The following SLC5A2 variants were observed in gnomAD, a reference collection of about 807,000 sequenced individuals.
The protein encoded by SLC5A2 is solute carrier family 5 member 2.
Under a neutral mutation model 69.0 loss-of-function variants are expected in SLC5A2, and 67 were observed. The observed-to-expected ratio is 0.97, with a 90% CI of 0.80 to 1.19. The LOEUF (loss-of-function observed/expected upper bound fraction) is 1.19, where lower values mean the gene tolerates loss of function less well. Ranked by LOEUF, SLC5A2 falls within the 50% of genes most tolerant of loss-of-function variation. SLC5A2 has a pLI of 0.00. For synonymous variants in SLC5A2, 455 were observed against 395.8 expected (o/e 1.15, Z -1.78); for missense variants, 1,001 against 921.5 (o/e 1.09, Z -1.12).
rs753788994 is a variant in SLC5A2, at chr16:31,488,495, G to A, written c.1129+5G>A. ...TCGTGAAGCTCATGCCCAACGGTAA[G>A]GGCAGCCCCGGGCCACAGGCGCAAG... On this transcript the variant is annotated splice_donor_5th_base_variant and intron_variant, in intron 9 of 13. Coordinates refer to ENST00000330498, the MANE Select transcript of SLC5A2 (RefSeq NM_003041.4). 3 of 1,605,072 alleles carry A rather than the reference G, an allele frequency of 1.9e-6. No homozygotes were observed. Among genetic ancestry groups the A allele is most frequent in the Admixed American group, 3.4e-5 (2 of 58,374 alleles).
In SLC5A2 at chr16:31,484,818, G is replaced by A; in HGVS notation, c.199-1G>A. The stretch of plus-strand genomic sequence containing the variant: ...GCTCACTCCCTCCTCTGGCCACCCA[G>A]GTTGGGGCCTCTCTCTTCGCCAGCA... On this transcript the variant is annotated splice_acceptor_variant, in intron 2 of 13. Coordinates refer to ENST00000330498, the MANE Select transcript of SLC5A2 (RefSeq NM_003041.4). LOFTEE classifies it high-confidence loss of function. 1 of 1,613,164 alleles carries A rather than the reference G, an allele frequency of 6.2e-7. No homozygotes were observed. The highest frequency in any genetic ancestry group is 2.2e-5 in the East Asian group (1 of 44,886).
Position 31,485,790 on chromosome 16 carries a change from T to A in SLC5A2, c.365T>A (p.Val122Asp). 6.2e-7 allele frequency: 1 copy of A among 1,613,506 alleles called. No homozygotes were observed. ...LFAPVYLTAG[V>D]ITMPQYLRKR... ...GCACCCGTGTACCTGACAGCGGGGG[T>A]CATCACGATGCCACAGTACCTGCGC... The change falls in exon 4 of 14, where the codon GTC becomes GAC. Residue 122 changes from valine to aspartate, a missense_variant. Coordinates refer to ENST00000330498, the MANE Select transcript of SLC5A2 (RefSeq NM_003041.4).
rs1307657211 is a variant in SLC5A2 at position 31,488,507 on chromosome 16, G to A, written c.1129+17G>A. On this transcript the variant is annotated intron_variant, in intron 9 of 13. Coordinates refer to ENST00000330498, the MANE Select transcript of SLC5A2 (RefSeq NM_003041.4). Reference sequence around the variant, plus strand: ...TGCCCAACGGTAAGGGCAGCCCCGGGCCACAGGCGCAAGCTCGCTGCGGAG... The same window carrying A: ...TGCCCAACGGTAAGGGCAGCCCCGGACCACAGGCGCAAGCTCGCTGCGGAG... 1 of 1,603,642 alleles carries A rather than the reference G, an allele frequency of 6.2e-7. No homozygotes were observed. Among genetic ancestry groups the A allele is most frequent in the Non-Finnish European group, 8.5e-7 (1 of 1,176,482 alleles).
intron 3 of SLC5A2, chr16:31,485,309 A>C: frequency 2.3e-6 from 1 of 440,604 alleles, no homozygotes; most frequent in Non-Finnish European, 4.2e-6. Context: ...AGCAGAGACA[A>C]AGCTCTGGGA....
chr16:31,488,074 A>T lies in SLC5A2; in HGVS notation c.922A>T (p.Thr308Ser). The change falls in exon 8 of 14, where the codon ACC (threonine) becomes TCC (serine). Residue 308 changes from threonine to serine, a missense_variant. Physicochemically the swap from Thr to Ser is moderately conservative, Grantham distance 58. Coordinates refer to ENST00000330498, the MANE Select transcript of SLC5A2 (RefSeq NM_003041.4). ...GCGCTGCCTGGCCGGGAAGAGCCTG[A>T]CCCACATCAAGGCGGGCTGCATCCT... is the stretch of plus-strand genomic sequence containing the variant. ...VQRCLAGKSL[T>S]HIKAGCILCG... 1 of 1,613,936 alleles carries T rather than the reference A, an allele frequency of 6.2e-7. No individual in the cohort carries two copies. The highest frequency in any genetic ancestry group is 8.5e-7 in the Non-Finnish European group (1 of 1,179,950).
In SLC5A2 at chr16:31,490,529, T is replaced by A; in HGVS notation, c.2013T>A (p.Tyr671Ter). The A allele has an allele frequency of 6.2e-7, 1 of 1,610,598 alleles. No homozygotes were observed. The highest frequency in any genetic ancestry group is 1.1e-5 in the South Asian group (1 of 90,386). ...MAVAVFLWGF[Y>*]A ...TGGCCGTGTTCCTCTGGGGCTTCTA[T>A]GCCTAAGACCAACTGCGTTGGACAC... is the stretch of plus-strand genomic sequence containing the variant. The change falls in exon 14 of 14, where the codon TAT (tyrosine) becomes TAA (stop). Residue 671 changes from tyrosine to a stop codon, truncating the protein, a stop_gained. Transcript: ENST00000330498. LOFTEE classifies it high-confidence loss of function.
At chr16:31,485,587 G>T in intron 3 of SLC5A2, 142 bp from the exon 4 acceptor site, 1 of 978,726 alleles carries the variant, frequency 1.0e-6, no homozygotes, top group East Asian at 2.4e-5. Flanking sequence ...CAGGGCCCCG[G>T]GGCCATCACC....
chr16:31,489,077 G>C, intron 11 of SLC5A2, 29 bp downstream of exon 11: 1 of 1,603,100 alleles, frequency 6.2e-7, no homozygotes, highest in Non-Finnish European at 8.5e-7. Context: ...GTGACGGCAG[G>C]GCTGGGCTTG....
In SLC5A2 at chr16:31,489,226, C is replaced by G; in HGVS notation, c.1553C>G (p.Pro518Arg). Residue 518 changes from proline to arginine, a missense_variant, in exon 12 of 14, where the codon CCA becomes CGA. Pro to Arg is a moderately radical substitution (Grantham distance 103). Coordinates refer to ENST00000330498, the MANE Select transcript of SLC5A2 (RefSeq NM_003041.4). Reference sequence around the variant, plus strand: ...AGCTGTGTGCAGCCCTCGGCGTGCCCAGCTTTCCTCTGCGGCGTGCACTAC... The same window carrying G: ...AGCTGTGTGCAGCCCTCGGCGTGCCGAGCTTTCCTCTGCGGCGTGCACTAC... Reference protein sequence around the residue: ...SGSCVQPSACPAFLCGVHYLY... With the variant: ...SGSCVQPSACRAFLCGVHYLY... 6.2e-7 allele frequency: 1 copy of G among 1,610,512 alleles called. No homozygotes were observed. The highest frequency in any genetic ancestry group is 8.5e-7 in the Non-Finnish European group (1 of 1,180,018).
intron 9 of SLC5A2, 56 bp downstream of exon 9, chr16:31,488,546 G>A: frequency 5.0e-6 from 8 of 1,602,868 alleles, no homozygotes; most frequent in South Asian, 1.1e-5. Context: ...GCTGCTGGGA[G>A]GGGTCGTCCC....
At chr16:31,483,313 G>T (rs749307826) in intron 1 of SLC5A2, 51 bp downstream of exon 1, 2 of 1,611,816 alleles carry the variant, frequency 1.2e-6, no homozygotes, top group South Asian at 1.1e-5. Flanking sequence ...TGGGGGCCTG[G>T]GGGAAAAGTC....
intron 12 of SLC5A2, 141 bp from the exon 13 acceptor site, chr16:31,489,963 G>C: frequency 9.1e-7 from 1 of 1,104,018 alleles, no homozygotes; most frequent in Non-Finnish European, 1.3e-6. Flanking sequence ...GGTGGAGTTG[G>C]CATGAGTTAA....
At chr16:31,489,982 TG>T in intron 12 of SLC5A2, 121 bp from the exon 13 acceptor site, 2 of 1,324,806 alleles carry the variant, frequency 1.5e-6, no homozygotes, top group Non-Finnish European at 2.1e-6. Flanking sequence ...AAGCCTGGGC[TG>T]GGTGTGTAGA....
rs2082523649 is a variant in SLC5A2 at position 31,488,671 on chromosome 16, G to C, written c.1179G>C (p.Ser393=). Residue 393 remains serine, a synonymous_variant, in exon 10 of 14, where the codon TCG becomes TCC. Transcript: ENST00000330498. ...TCATGCTGGCCGCGCTCATGTCCTC[G>C]CTGGCCTCCATCTTCAACAGCAGCA... ...LAVMLAALMS[S]LASIFNSSST... The C allele has an allele frequency of 6.2e-7, 1 of 1,612,450 alleles. No homozygotes were observed. Among genetic ancestry groups the C allele is most frequent in the African/African-American group, 1.3e-5 (1 of 74,904 alleles).
In SLC5A2 at chr16:31,485,809, C is replaced by G. The variant is rs1021599696; in HGVS notation, c.384C>G (p.Tyr128Ter). Residue 128 changes from tyrosine to a stop codon, truncating the protein, a stop_gained, in exon 4 of 14, where the codon TAC (tyrosine) becomes TAG (stop). Coordinates refer to ENST00000330498, the MANE Select transcript of SLC5A2 (RefSeq NM_003041.4). LOFTEE classifies it high-confidence loss of function. Reference protein sequence around the residue: ...LTAGVITMPQYLRKRFGGRRI... With the variant: ...LTAGVITMPQ ...CGGGGGTCATCACGATGCCACAGTA[C>G]CTGCGCAAGCGCTTCGGCGGCCGCC... 5 of 1,613,596 alleles carry G rather than the reference C, an allele frequency of 3.1e-6. No individual in the cohort carries two copies. The highest frequency in any genetic ancestry group is 3.3e-4 in the Middle Eastern group (2 of 6,062).
chr16:31,484,849 G>C lies in SLC5A2; in HGVS notation c.229G>C (p.Gly77Arg). The C allele has an allele frequency of 2.5e-6, 4 of 1,613,956 alleles. No homozygotes were observed. The highest frequency in any genetic ancestry group is 3.4e-6 in the Non-Finnish European group (4 of 1,180,032). ...VGASLFASNI[G>R]SGHFVGLAGT... ...GGCCTCTCTCTTCGCCAGCAACATC[G>C]GCAGTGGCCACTTTGTGGGCCTGGC... Residue 77 changes from glycine to arginine, a missense_variant, in exon 3 of 14, where the codon GGC (glycine) becomes CGC (arginine). By Grantham distance (125) the Gly-to-Arg change is moderately radical (BLOSUM62 -2). Coordinates refer to ENST00000330498, the MANE Select transcript of SLC5A2 (RefSeq NM_003041.4).
intron 3 of SLC5A2, chr16:31,485,526 G>A: frequency 1.6e-6 from 1 of 619,904 alleles, no homozygotes; most frequent in South Asian, 1.9e-5. Context: ...GGGAGACAAG[G>A]AGGGCTCCAG....
chr16:31,483,195 T>G lies in SLC5A2; in HGVS notation c.59T>G (p.Ile20Ser). ...GAGATGGGGGCCCAGAAGGCCCTGA[T>G]TGACAATCCTGCTGACATCCTAGTC... The part of the protein sequence containing the change: ...APEMGAQKAL[I>S]DNPADILVIA... The change falls in exon 1 of 14, where the codon ATT becomes AGT. Residue 20 changes from isoleucine to serine, a missense_variant. Physicochemically the swap from Ile to Ser is moderately radical, Grantham distance 142. Transcript: ENST00000330498. 6.2e-7 allele frequency: 1 copy of G among 1,614,040 alleles called. No individual in the cohort carries two copies. The highest frequency in any genetic ancestry group is 8.5e-7 in the Non-Finnish European group (1 of 1,180,002).
rs1284049028 is a variant in SLC5A2, at chr16:31,487,564, C to G, written c.690C>G (p.Phe230Leu). The G allele has an allele frequency of 1.2e-6, 2 of 1,613,922 alleles. No homozygotes were observed. Among genetic ancestry groups the G allele is most frequent in the Non-Finnish European group, 1.7e-6 (2 of 1,179,994 alleles). ...FHEVGGYSGL[F>L]DKYLGAATSL... ...AGGTGGGCGGGTATTCGGGTCTCTTCGACAAATACCTGGGAGCAGCGACTT... is the reference window on the plus strand; with the variant it reads ...AGGTGGGCGGGTATTCGGGTCTCTTGGACAAATACCTGGGAGCAGCGACTT... Residue 230 changes from phenylalanine (F) to leucine (L), a missense_variant, in exon 7 of 14, where the codon TTC becomes TTG. By Grantham distance (22) the Phe-to-Leu change is conservative. Transcript: ENST00000330498.
Sources: allele counts gnomAD v4.1 joint callset, GRCh38; gene constraint gnomAD v4.1.1; transcripts MANE v1.5; gene names NCBI Gene and HGNC (gene_info 2026-07-23, HGNC 2026-07-21).